AQP7: variants seen among roughly 807,000 people sequenced by gnomAD.
The protein encoded by AQP7 is aquaporin 7.
AQP7 carries 22 observed loss-of-function variants against 26.1 expected under a neutral mutation model. The ratio of observed to expected loss-of-function variants is 0.84; its 90% CI spans 0.60 to 1.20. AQP7 has a LOEUF of 1.20. Ranked by LOEUF, AQP7 falls within the 50% of genes most tolerant of loss-of-function variation. The pLI is 0.00. For missense variants in AQP7, 412 were observed against 457.5 expected, an observed-to-expected ratio of 0.90 and a Z score of 0.91; for synonymous variants, 167 against 181.7, an observed-to-expected ratio of 0.92 and a Z score of 0.65.
chr9:33,385,948 C>T (rs1824732761), intron 6 of AQP7, 82 bp from the exon 7 acceptor site: 1 of 1,559,294 alleles, frequency 6.4e-7, no homozygotes, highest in Admixed American at 1.8e-5. Context: ...CCCAAGCCCA[C>T]CAGCAGAGAC....
At chr9:33,390,878 G>A (rs372300360) in intron 3 of AQP7, among the ~76,000 whole-genome samples, 3 of 152,208 alleles carry the variant, frequency 2.0e-5, no homozygotes, top group Non-Finnish European at 4.4e-5. Context: ...TTGGGAGGCC[G>A]AGGCAGGCCG....
chr9:33,396,263 C>A (rs1437410539), intron 2 of AQP7, among the ~76,000 whole-genome samples: 1 of 151,988 alleles, frequency 6.6e-6, no homozygotes, highest in East Asian at 1.9e-4. Context: ...GATAGAGAAA[C>A]CCCATCTCTA....
intron 2 of AQP7, among the ~76,000 whole-genome samples, chr9:33,400,416 C>G (rs1002582386): frequency 6.6e-6 from 1 of 152,010 alleles, no homozygotes; most frequent in African/African-American, 2.4e-5. Context: ...TGTATGTTAG[C>G]TGCAGAAAGC....
chr9:33,396,870 C>A (rs1360683596), intron 2 of AQP7, among the ~76,000 whole-genome samples: 4 of 151,344 alleles, frequency 2.6e-5, no homozygotes, highest in African/African-American at 2.4e-5. Context: ...CCGAGGCGAG[C>A]TGATCGCTTG....
At chr9:33,396,353 G>A (rs4008644) in intron 2 of AQP7, among the ~76,000 whole-genome samples, 137 of 146,858 alleles carry the variant, frequency 9.3e-4, no homozygotes, top group African/African-American at 3.1e-3. Flanking sequence ...CAGGAGAATC[G>A]CTTGAACATG....
In AQP7 at chr9:33,384,672, C is replaced by A. The variant is rs1170553111; in HGVS notation, c.*333G>T. 2 of 224,110 alleles carry A rather than the reference C, an allele frequency of 8.9e-6. No homozygotes were observed. Among genetic ancestry groups the A allele is most frequent in the Non-Finnish European group, 1.7e-5 (2 of 115,162 alleles). 13.9% of individuals were successfully genotyped at this position (224,110 alleles called of 1,614,324 possible). A position where few individuals can be genotyped will look rare whatever the true frequency, so the allele number is the denominator to read the frequency against. On this transcript the variant is annotated 3_prime_UTR_variant, in exon 8 of 8. Coordinates refer to ENST00000297988, the MANE Select transcript of AQP7 (RefSeq NM_001170.3). ...CCTCAAAGTATTTCCAAAGCCGGCC[C>A]CCAACCAGTCAGCTACGGTCTGTTC... is the stretch of plus-strand genomic sequence containing the variant.
rs2236546 is a variant in AQP7 at position 33,387,320 on chromosome 9, G to A, written c.145-228C>T. Among the ~76,000 whole-genome samples the A allele has an allele frequency of 5.1e-4, 77 of 152,128 alleles. No individual in the cohort carries two copies. The South Asian group carries it at 5.6e-3, about 11-fold the overall frequency. On this transcript the variant is annotated intron_variant, in intron 3 of 7. Coordinates refer to ENST00000297988, the MANE Select transcript of AQP7 (RefSeq NM_001170.3). ...TGAGCCACTGAGAGCCGGGTGGAGCGGCAGAGTTAGAAGCTCTTACGACAA... is the reference window on the plus strand; with the variant it reads ...TGAGCCACTGAGAGCCGGGTGGAGCAGCAGAGTTAGAAGCTCTTACGACAA...
chr9:33,401,693 A>ATG, intron 1 of AQP7: 1 of 248,770 alleles, frequency 4.0e-6, no homozygotes, highest in South Asian at 5.7e-5. Context: ...ACACACATGC[A>ATG]CGCATGCACA....
intron 3 of AQP7, among the ~76,000 whole-genome samples, chr9:33,388,109 G>A (rs1825035964): frequency 6.6e-6 from 1 of 152,258 alleles, no homozygotes; most frequent in African/African-American, 2.4e-5. Flanking sequence ...GACAGTCTCA[G>A]CTATGCCTGA....
chr9:33,398,059 C>T (rs537287816), intron 2 of AQP7, among the ~76,000 whole-genome samples: 5 of 152,108 alleles, frequency 3.3e-5, no homozygotes, highest in South Asian at 4.2e-4. Context: ...GAGTGGGCAC[C>T]GTGGGGCATG....
At position 33,385,059 on chromosome 9, in the gene AQP7, A is replaced by T. The variant is rs1824607909; in HGVS notation, c.975T>A (p.Ser325=). 5.0e-6 allele frequency: 8 copies of T among 1,611,928 alleles called. No individual in the cohort carries two copies. The highest frequency in any genetic ancestry group is 6.8e-6 in the Non-Finnish European group (8 of 1,179,838). ...GTAAGGGTGGGGCAGGGTGGACTGA[A>T]GATCTGTTGGCAGGGCTCACAGAGA... ...TPVSVSPANR[S]SVHPAPPLHE... The change falls in exon 8 of 8, where the codon TCT becomes TCA. Residue 325 remains serine (S), a synonymous_variant. Transcript: ENST00000297988.
In AQP7 at chr9:33,386,069, C is replaced by G. The variant is rs10116528; in HGVS notation, c.525+8G>C. On this transcript the variant is annotated splice_region_variant and intron_variant, in intron 6 of 7. Coordinates refer to ENST00000297988, the MANE Select transcript of AQP7 (RefSeq NM_001170.3). ...CAGGGGGAGGGATACTCATCCTCGA[C>G]CACTGACCTCATTCAGGAAGCCCCG... 4.0e-3 allele frequency: 6,508 copies of G among 1,612,760 alleles called. 219 individuals are homozygous for G. In the African/African-American group the frequency reaches 0.075, roughly 19 times the overall value.
chr9:33,387,451 C>G (rs1433291833), intron 3 of AQP7, among the ~76,000 whole-genome samples: 1 of 152,140 alleles, frequency 6.6e-6, no homozygotes, highest in Non-Finnish European at 1.5e-5. Flanking sequence ...GTCTCTCACA[C>G]TTCAGGCTGG....
intron 7 of AQP7, 64 bp downstream of exon 7, chr9:33,385,585 A>C (rs748663677): frequency 7.7e-6 from 12 of 1,568,456 alleles, no homozygotes; most frequent in Non-Finnish European, 9.6e-6. Context: ...ATCACCCCCC[A>C]CCCCTCAACA....
intron 5 of AQP7, 103 bp downstream of exon 5, chr9:33,386,301 T>C: frequency 6.3e-7 from 1 of 1,595,798 alleles, no homozygotes; most frequent in South Asian, 1.1e-5. Context: ...AAGGCTTTTT[T>C]CTCCCAGCTA....
chr9:33,385,096 G>A lies in AQP7; in HGVS notation c.938C>T (p.Pro313Leu), dbSNP rs1824614312. The A allele has an allele frequency of 1.2e-6, 2 of 1,611,848 alleles. No individual in the cohort carries two copies. The highest frequency in any genetic ancestry group is 1.7e-5 in the Admixed American group (1 of 60,000). Residue 313 changes from proline to leucine, a missense_variant, in exon 8 of 8, where the codon CCC (proline) becomes CTC (leucine). By Grantham distance (98) the Pro-to-Leu change is moderately conservative. Transcript: ENST00000297988. ...KMGSHEPTIS[P>L]LTPVSVSPAN... Reference sequence around the variant, plus strand: ...AGGGCTCACAGAGACGGGGGTGAGGGGAGAGATCGTGGGTTCATGAGATCC... The same window carrying A: ...AGGGCTCACAGAGACGGGGGTGAGGAGAGAGATCGTGGGTTCATGAGATCC...
rs745346942 is a variant in AQP7 at position 33,385,339 on chromosome 9, G to A, written c.744-49C>T. ...GCTGAGGGGGCTGATGCCCAGGACAGCACCCTCATCCACCTCGGGCCAAGA... is the reference window on the plus strand; with the variant it reads ...GCTGAGGGGGCTGATGCCCAGGACAACACCCTCATCCACCTCGGGCCAAGA... On this transcript the variant is annotated intron_variant, in intron 7 of 7. Coordinates refer to ENST00000297988, the MANE Select transcript of AQP7 (RefSeq NM_001170.3). 6.4e-6 allele frequency: 10 copies of A among 1,568,160 alleles called. No individual in the cohort carries two copies. In the South Asian group the frequency reaches 1.2e-4, roughly 19 times the overall value.
chr9:33,398,110 C>A (rs1395302801), intron 2 of AQP7, among the ~76,000 whole-genome samples: 5 of 151,750 alleles, frequency 3.3e-5, no homozygotes, highest in Admixed American at 3.3e-4. Context: ...TAGGAGGCTC[C>A]CAGAGAAAGG....
intron 3 of AQP7, among the ~76,000 whole-genome samples, chr9:33,394,486 C>CTTTTTTTTTTTTTT (rs56966031): frequency 1.7e-5 from 2 of 115,112 alleles, no homozygotes; most frequent in African/African-American, 3.0e-5. Context: ...CTCTCTCTCT[C>CTTTTTTTTTTTTTT]TTTTTTTTTT....
Sources: allele counts gnomAD v4.1 joint callset (sites outside exome capture counted in the v4.1 genomes callset), GRCh38; gene constraint gnomAD v4.1.1; transcripts MANE v1.5; gene names NCBI Gene and HGNC (gene_info 2026-07-23, HGNC 2026-07-21).